Variants in SEMA5A observed in about 807,000 individuals in gnomAD.
SEMA5A encodes semaphorin-5A.
A neutral mutation model predicts 135.5 loss-of-function variants in SEMA5A; 55 were observed. The observed-to-expected ratio is 0.41, with a 90% CI of 0.33 to 0.51. The LOEUF (loss-of-function observed/expected upper bound fraction) is 0.51. Ranked by LOEUF, SEMA5A falls within the 20% of genes least tolerant of loss-of-function variation. The pLI is 0.37. For synonymous variants in SEMA5A, 580 were observed against 546.5 expected, an observed-to-expected ratio of 1.06 and a Z score of -0.85; for missense variants, 1,290 against 1,419.9, an observed-to-expected ratio of 0.91 and a Z score of 1.47.
At chr5:9,386,999 C>T (rs528652438) in intron 2 of SEMA5A, among the ~76,000 whole-genome samples, 40 of 152,284 alleles carry the variant, frequency 2.6e-4, no homozygotes, top group African/African-American at 5.8e-4. Context: ...AAAGATAAAT[C>T]ATCTAGTCTC....
chr5:9,264,221 C>T (rs1579742582), intron 5 of SEMA5A, among the ~76,000 whole-genome samples: 1 of 152,078 alleles, frequency 6.6e-6, no homozygotes, highest in African/African-American at 2.4e-5. Context: ...TTACATTTGC[C>T]AAATACATTT....
chr5:9,289,772 T>C (rs565871749), intron 5 of SEMA5A, among the ~76,000 whole-genome samples: 8 of 152,220 alleles, frequency 5.3e-5, no homozygotes, highest in African/African-American at 1.9e-4. Context: ...TTGTTGAAAT[T>C]TGCCAAGCAC....
At chr5:9,121,840 C>T (rs1235904992) in intron 14 of SEMA5A, among the ~76,000 whole-genome samples, 1 of 152,166 alleles carries the variant, frequency 6.6e-6, no homozygotes, top group Non-Finnish European at 1.5e-5. Flanking sequence ...GTGCATGTGC[C>T]TGCATGACCT....
rs1041121143 is a variant in SEMA5A, at chr5:9,534,002, T to C, written c.-175+11582A>G. 3.7e-4 allele frequency among the ~76,000 whole-genome samples: 57 copies of C among 152,166 alleles called. 1 individual carries two copies. Among genetic ancestry groups the C allele is most frequent in the Non-Finnish European group, 1.3e-4 (9 of 68,024 alleles). On this transcript the variant is annotated intron_variant, in intron 1 of 22. Coordinates refer to ENST00000382496, the MANE Select transcript of SEMA5A (RefSeq NM_003966.3). ...TGAAAAAGATACACCAGCACTCACC[T>C]GAAGAGGAACAAAGATAAAAGCGAG...
At chr5:9,133,859 G>C (rs1326851419) in intron 13 of SEMA5A, among the ~76,000 whole-genome samples, 1 of 147,410 alleles carries the variant, frequency 6.8e-6, no homozygotes, top group Non-Finnish European at 1.5e-5. Flanking sequence ...TTGGCTCTGT[G>C]TCCCCACCTA....
intron 1 of SEMA5A, among the ~76,000 whole-genome samples, chr5:9,497,808 T>A (rs1735380919): frequency 6.6e-6 from 1 of 152,216 alleles, no homozygotes; most frequent in Admixed American, 6.5e-5. Flanking sequence ...CCTTCATTAA[T>A]TTCTTCCTAA....
chr5:9,442,625 C>T (rs1368429068), intron 1 of SEMA5A, among the ~76,000 whole-genome samples: 1 of 152,186 alleles, frequency 6.6e-6, no homozygotes, highest in Non-Finnish European at 1.5e-5. Context: ...ACTAAGTGTG[C>T]AGCTTCAGCC....
At chr5:9,219,180 T>G (rs1481166696) in intron 8 of SEMA5A, among the ~76,000 whole-genome samples, 1 of 152,182 alleles carries the variant, frequency 6.6e-6, no homozygotes, top group Non-Finnish European at 1.5e-5. Context: ...CTGGCTATTC[T>G]GTGGAGAGTG....
At chr5:9,343,273 T>C (rs1753730135) in intron 3 of SEMA5A, among the ~76,000 whole-genome samples, 2 of 152,312 alleles carry the variant, frequency 1.3e-5, no homozygotes, top group South Asian at 2.1e-4. Flanking sequence ...ATCTGCTTTA[T>C]TGGAGTAAAG....
chr5:9,341,552 A>G (rs1753653849), intron 3 of SEMA5A, among the ~76,000 whole-genome samples: 1 of 151,536 alleles, frequency 6.6e-6, no homozygotes, highest in Admixed American at 6.6e-5. Flanking sequence ...CATTGCCCCC[A>G]GTGAGTTTAC....
At chr5:9,412,848 G>A (rs1324422046) in intron 2 of SEMA5A, among the ~76,000 whole-genome samples, 1 of 152,074 alleles carries the variant, frequency 6.6e-6, no homozygotes, top group African/African-American at 2.4e-5. Flanking sequence ...ACTCGAAAAT[G>A]TTTTAGATTT....
chr5:9,475,317 C>A (rs566279650), intron 1 of SEMA5A, among the ~76,000 whole-genome samples: 218 of 152,270 alleles, frequency 1.4e-3, no homozygotes, highest in African/African-American at 4.9e-3. Flanking sequence ...TCTCCCATCA[C>A]CCTCATCTCA....
chr5:9,250,734 T>C (rs1437014053), intron 5 of SEMA5A, among the ~76,000 whole-genome samples: 2 of 152,186 alleles, frequency 1.3e-5, no homozygotes, highest in Admixed American at 1.3e-4. Flanking sequence ...TGGAATTCTG[T>C]GTCCTAAGTC....
intron 1 of SEMA5A, among the ~76,000 whole-genome samples, chr5:9,504,613 A>G (rs1206715504): frequency 6.6e-6 from 1 of 152,224 alleles, no homozygotes; most frequent in African/African-American, 2.4e-5. Flanking sequence ...ACTTACACAG[A>G]GTGGTCAGTA....
At chr5:9,318,266 T>C in intron 5 of SEMA5A, 106 bp downstream of exon 5, 1 of 1,090,032 alleles carries the variant, frequency 9.2e-7, no homozygotes, top group South Asian at 1.6e-5. Context: ...AACGAGCCCC[T>C]GCTCAGGCTG....
chr5:9,230,821 G>C (rs1410043016), intron 6 of SEMA5A, among the ~76,000 whole-genome samples: 1 of 152,138 alleles, frequency 6.6e-6, no homozygotes, highest in East Asian at 1.9e-4. Context: ...AATAACAGTA[G>C]GTGTGCTCAT....
chr5:9,154,137 G>GTGTA (rs1742822168), intron 12 of SEMA5A, among the ~76,000 whole-genome samples: 4 of 139,968 alleles, frequency 2.9e-5, no homozygotes, highest in African/African-American at 8.0e-5. Flanking sequence ...GTGTGTGTGT[G>GTGTA]TATATATATA....
At chr5:9,162,571 T>TACATATATAC (rs1560977323) in intron 11 of SEMA5A, among the ~76,000 whole-genome samples, 3 of 59,630 alleles carry the variant, frequency 5.0e-5, no homozygotes, top group South Asian at 8.1e-4. Context: ...TGTGTATATA[T>TACATATATAC]ATATATATAT....
At chr5:9,540,660 A>G (rs1738033476) in intron 1 of SEMA5A, among the ~76,000 whole-genome samples, 2 of 152,276 alleles carry the variant, frequency 1.3e-5, no homozygotes. Flanking sequence ...TCAGTCCTGT[A>G]AAAGGAGTCA....
Sources: allele counts gnomAD v4.1 joint callset (sites outside exome capture counted in the v4.1 genomes callset), GRCh38; gene constraint gnomAD v4.1.1; transcripts MANE v1.5; gene names NCBI Gene and HGNC (gene_info 2026-07-23, HGNC 2026-07-21).